The following TPRG1 variants were observed in gnomAD, a reference collection of about 807,000 sequenced individuals.
TPRG1 encodes tumor protein p63-regulated gene 1 protein.
TPRG1 carries 29 observed loss-of-function variants against 29.3 expected under a neutral mutation model. The ratio of observed to expected loss-of-function variants is 0.99; its 90% CI spans 0.74 to 1.35. The LOEUF (loss-of-function observed/expected upper bound fraction) is 1.35. Ranked by LOEUF, TPRG1 falls within the 40% of genes most tolerant of loss-of-function variation. The probability of loss-of-function intolerance (pLI) is 0.00; values close to 1 mark genes in which losing one functional copy is unlikely to be tolerated. For missense variants in TPRG1, 327 were observed against 335.0 expected (o/e 0.98, Z 0.19); for synonymous variants, 130 against 116.8 (o/e 1.11, Z -0.73).
intron 4 of TPRG1, among the ~76,000 whole-genome samples, chr3:189,033,317 G>A (rs988057417): frequency 1.0e-4 from 15 of 149,476 alleles, no homozygotes; most frequent in African/African-American, 2.7e-4. Flanking sequence ...GATCTCACAC[G>A]TTCACCCATG....
intron 4 of TPRG1, among the ~76,000 whole-genome samples, chr3:189,304,872 C>T (rs1721387536): frequency 6.6e-6 from 1 of 152,070 alleles, no homozygotes; most frequent in African/African-American, 2.4e-5. Context: ...CTCTCCCCAT[C>T]GCCCGCCCGC....
At chr3:189,189,146 A>T (rs1176719678) in intron 1 of TPRG1, among the ~76,000 whole-genome samples, 1 of 152,154 alleles carries the variant, frequency 6.6e-6, no homozygotes, top group East Asian at 1.9e-4. Flanking sequence ...ATATAATTTT[A>T]AGACAACCTA....
intron 1 of TPRG1, among the ~76,000 whole-genome samples, chr3:189,109,044 C>T (rs746211592): frequency 4.0e-5 from 6 of 151,646 alleles, no homozygotes; most frequent in Admixed American, 6.6e-5. Context: ...GAGAGTTTTG[C>T]GGAGAAGGTA....
intron 4 of TPRG1, among the ~76,000 whole-genome samples, chr3:189,262,890 A>C (rs371512028): frequency 6.6e-6 from 1 of 152,318 alleles, no homozygotes; most frequent in East Asian, 1.9e-4. Flanking sequence ...AGCTGGCCAG[A>C]GGTATCAGTT....
rs1459258741 is a variant in TPRG1 at position 189,322,384 on chromosome 3, C to G, written c.*1564C>G. The G allele has an allele frequency of 6.6e-6, 1 of 151,340 alleles. No homozygotes were observed. Among genetic ancestry groups the G allele is most frequent in the Non-Finnish European group, 1.5e-5 (1 of 67,666 alleles). The allele number at this position is 151,340 out of a possible 1,614,324, so 9.4% of individuals were successfully genotyped here. On this transcript the variant is annotated 3_prime_UTR_variant, in exon 6 of 6. Coordinates refer to ENST00000345063, the MANE Select transcript of TPRG1 (RefSeq NM_198485.4). Reference sequence around the variant, plus strand: ...TGTTTACTTCCATTAATTTTTTTTTCTTTCCCTCTCTTCCGCCTTTACAGC... The same window carrying G: ...TGTTTACTTCCATTAATTTTTTTTTGTTTCCCTCTCTTCCGCCTTTACAGC...
intron 3 of TPRG1, among the ~76,000 whole-genome samples, chr3:189,138,490 C>A (rs1411284694): frequency 6.6e-6 from 1 of 152,200 alleles, no homozygotes; most frequent in East Asian, 1.9e-4. Context: ...TCCAGGCAGT[C>A]ATTCAGAGAC....
intron 4 of TPRG1, among the ~76,000 whole-genome samples, chr3:189,087,283 C>T (rs1483046458): frequency 6.6e-6 from 1 of 152,150 alleles, no homozygotes; most frequent in Non-Finnish European, 1.5e-5. Context: ...TTTCCTGTGT[C>T]TGTTGGCTGC....
chr3:189,188,598 C>G (rs1483069831), intron 1 of TPRG1, among the ~76,000 whole-genome samples: 1 of 152,200 alleles, frequency 6.6e-6, no homozygotes, highest in Non-Finnish European at 1.5e-5. Context: ...CCTGTCCAGT[C>G]CATCTATAAC....
At chr3:189,184,279 C>A (rs937936665) in intron 1 of TPRG1, among the ~76,000 whole-genome samples, 3 of 152,250 alleles carry the variant, frequency 2.0e-5, no homozygotes, top group Admixed American at 6.5e-5. Context: ...GATGAGTTTG[C>A]AATGAGCCAA....
intron 3 of TPRG1, among the ~76,000 whole-genome samples, chr3:189,223,160 A>C (rs148206162): frequency 6.6e-6 from 1 of 152,134 alleles, no homozygotes. Context: ...TGGGCTCAGA[A>C]CTTACCACAC....
intron 4 of TPRG1, among the ~76,000 whole-genome samples, chr3:189,244,373 C>G (rs956310972): frequency 1.3e-5 from 2 of 151,910 alleles, no homozygotes; most frequent in Middle Eastern, 6.8e-3. Flanking sequence ...GAGCCAAGAT[C>G]GAGCCACTGC....
At chr3:189,155,767 G>A (rs973975827) in intron 5 of TPRG1, among the ~76,000 whole-genome samples, 1 of 152,210 alleles carries the variant, frequency 6.6e-6, no homozygotes, top group East Asian at 1.9e-4. Flanking sequence ...TCTCACTTAT[G>A]TGTAAAATCT....
intron 3 of TPRG1, among the ~76,000 whole-genome samples, chr3:189,220,791 G>T (rs1209982103): frequency 6.6e-6 from 1 of 152,114 alleles, no homozygotes; most frequent in African/African-American, 2.4e-5. Flanking sequence ...TTTTATGTCT[G>T]CATAGTATTC....
At chr3:189,125,881 T>C in intron 1 of TPRG1, among the ~76,000 whole-genome samples, 1 of 150,714 alleles carries the variant, frequency 6.6e-6, no homozygotes, top group African/African-American at 2.4e-5. Flanking sequence ...GTTTGGTATA[T>C]TTAGTTTTAT....
chr3:189,090,522 T>C (rs1718272042), intron 4 of TPRG1, among the ~76,000 whole-genome samples: 1 of 152,106 alleles, frequency 6.6e-6, no homozygotes, highest in Non-Finnish European at 1.5e-5. Flanking sequence ...TTCATTGTTT[T>C]TGCTTTATCA....
rs142289526 is a variant in TPRG1, at chr3:189,245,186, T to C, written c.479+6277T>C. Reference sequence around the variant, plus strand: ...ATCCGCCTGCCTTGGCCTCTCAAAGTACTGGGATTACAGGTGTGAGCCACT... The same window carrying C: ...ATCCGCCTGCCTTGGCCTCTCAAAGCACTGGGATTACAGGTGTGAGCCACT... On this transcript the variant is annotated intron_variant, in intron 4 of 5. Transcript: ENST00000345063. 5.4e-3 allele frequency among the ~76,000 whole-genome samples: 828 copies of C among 152,310 alleles called. 3 individuals carry two copies. Among genetic ancestry groups the C allele is most frequent in the African/African-American group, 0.019 (784 of 41,570 alleles).
At chr3:189,067,496 A>C (rs1016783086) in intron 4 of TPRG1, among the ~76,000 whole-genome samples, 2 of 152,232 alleles carry the variant, frequency 1.3e-5, no homozygotes, top group African/African-American at 4.8e-5. Context: ...AACAGGACAG[A>C]GAACCCAGAA....
intron 3 of TPRG1, among the ~76,000 whole-genome samples, chr3:189,017,743 C>T (rs936288246): frequency 1.3e-5 from 2 of 152,046 alleles, no homozygotes; most frequent in African/African-American, 4.8e-5. Flanking sequence ...GGGTATATAC[C>T]CAGTAATGGG....
chr3:189,296,871 T>C (rs1720017408), intron 4 of TPRG1, among the ~76,000 whole-genome samples: 1 of 152,208 alleles, frequency 6.6e-6, no homozygotes, highest in South Asian at 2.1e-4. Flanking sequence ...TTGATAAAAA[T>C]ATTTTTTGAA....
Sources: gnomAD v4.1 joint callset for allele counts (sites outside exome capture counted in the v4.1 genomes callset) on GRCh38, gnomAD v4.1.1 for gene constraint, MANE v1.5 for transcripts, NCBI Gene and HGNC (gene_info 2026-07-23, HGNC 2026-07-21) for gene names.